GFRA3: variants seen among roughly 807,000 people sequenced by gnomAD.
GFRA3 encodes GDNF family receptor alpha-3.
In GFRA3, 24 loss-of-function variants were observed where a neutral mutation model predicts 40.0. The ratio of observed to expected loss-of-function variants is 0.60; its 90% CI spans 0.43 to 0.84. The LOEUF (loss-of-function observed/expected upper bound fraction) is 0.84, where lower values mean the gene tolerates loss of function less well. GFRA3 is among the 40% of genes least tolerant of loss of function. The probability of loss-of-function intolerance (pLI) is 0.00; values close to 1 mark genes in which losing one functional copy is unlikely to be tolerated. For synonymous variants in GFRA3, 203 were observed against 213.5 expected, an observed-to-expected ratio of 0.95 and a Z score of 0.43; for missense variants, 405 against 530.6, an observed-to-expected ratio of 0.76 and a Z score of 2.33.
At chr5:138,261,419 G>A (rs1427023206) in intron 2 of GFRA3, among the ~76,000 whole-genome samples, 1 of 152,164 alleles carries the variant, frequency 6.6e-6, no homozygotes, top group Non-Finnish European at 1.5e-5. Context: ...AACTGTGCTG[G>A]GCGCAGTGGC....
Position 138,257,957 on chromosome 5 carries a change from G to T in GFRA3, c.473-6C>A, listed in dbSNP as rs749653460. 1 of 1,613,510 alleles carries T rather than the reference G, an allele frequency of 6.2e-7. No individual in the cohort carries two copies. ...CTTGAGGCAGAGGTCTGAGTCTGGG[G>T]GGAAAGGGCACGGAGTCAGTCGGCT... is the stretch of plus-strand genomic sequence containing the variant. On this transcript the variant is annotated splice_polypyrimidine_tract_variant and splice_region_variant and intron_variant, in intron 3 of 7. Transcript: ENST00000274721.
intron 4 of GFRA3, among the ~76,000 whole-genome samples, chr5:138,255,899 C>CAA (rs35650002): frequency 2.8e-4 from 30 of 107,748 alleles, no homozygotes; most frequent in African/African-American, 1.1e-3. Flanking sequence ...GACTCTGTCT[C>CAA]AAAAAAAAAA....
Position 138,257,770 on chromosome 5 carries a change from G to GC in GFRA3, c.653dup (p.Cys218TrpfsTer112). 6.2e-7 allele frequency: 1 copy of GC among 1,611,486 alleles called. No homozygotes were observed. Among genetic ancestry groups the GC allele is most frequent in the Non-Finnish European group, 8.5e-7 (1 of 1,178,588 alleles). On this transcript the variant is annotated frameshift_variant, in exon 4 of 8. Coordinates refer to ENST00000274721, the MANE Select transcript of GFRA3 (RefSeq NM_001496.4). LOFTEE classifies it high-confidence loss of function. ...AGCCCCGGTCGTTGGGGGCACATGG[G>GC]CACAGTAGCAGGCCCTGCGCGTGGG...
intron 4 of GFRA3, among the ~76,000 whole-genome samples, chr5:138,254,947 A>T (rs1755605140): frequency 6.6e-6 from 1 of 151,980 alleles, no homozygotes; most frequent in Non-Finnish European, 1.5e-5. Context: ...GAAAGAAAAA[A>T]AAAGAAAGAG....
chr5:138,269,260 G>A (rs1327325750), intron 1 of GFRA3, among the ~76,000 whole-genome samples: 1 of 152,116 alleles, frequency 6.6e-6, no homozygotes, highest in East Asian at 1.9e-4. Context: ...AAGTAGTCTG[G>A]GCGTGGTGGC....
chr5:138,270,091 G>A (rs1755845759), intron 1 of GFRA3, among the ~76,000 whole-genome samples: 1 of 151,754 alleles, frequency 6.6e-6, no homozygotes, highest in Non-Finnish European at 1.5e-5. Flanking sequence ...GCCAGGCATG[G>A]TGGCTCACGC....
chr5:138,259,616 T>C lies in GFRA3; in HGVS notation c.413A>G (p.Asp138Gly). 1 of 1,544,470 alleles carries C rather than the reference T, an allele frequency of 6.5e-7. No homozygotes were observed. Among genetic ancestry groups the C allele is most frequent in the Non-Finnish European group, 9.0e-7 (1 of 1,116,532 alleles). The change falls in exon 3 of 8, where the codon GAC becomes GGC. Residue 138 changes from aspartate to glycine, a missense_variant. By Grantham distance (94) the Asp-to-Gly change is moderately conservative (BLOSUM62 -1). Transcript: ENST00000274721. Reference sequence around the variant, plus strand: ...TTTCCAGGGTTTGCTGGTCACTGTGTCTTCATAGGGGGAGACATCCAGCTC... The same window carrying C: ...TTTCCAGGGTTTGCTGGTCACTGTGCCTTCATAGGGGGAGACATCCAGCTC... Reference protein sequence around the residue: ...NYELDVSPYEDTVTSKPWKMN... With the variant: ...NYELDVSPYEGTVTSKPWKMN...
At chr5:138,271,716 CT>C (rs1360270858) in intron 1 of GFRA3, among the ~76,000 whole-genome samples, 1 of 143,704 alleles carries the variant, frequency 7.0e-6, no homozygotes, top group African/African-American at 2.8e-5. Context: ...GTAGCTGGGA[CT>C]GCATGCATGC....
rs748018855 is a variant in GFRA3, at chr5:138,253,870, T to A, written c.920A>T (p.Asn307Ile). ...GTAMTPNFVS[N>I]VNTSVALSCT... ...GCTTAAGGCAACACTGGTGTTGACA[T>A]TGCTGACAAAGTTGGGGGTCATGGC... The change falls in exon 6 of 8, where the codon AAT (asparagine) becomes ATT (isoleucine). Residue 307 changes from asparagine (N) to isoleucine (I), a missense_variant. Transcript: ENST00000274721. The A allele has an allele frequency of 6.2e-7, 1 of 1,614,090 alleles. No individual in the cohort carries two copies. The highest frequency in any genetic ancestry group is 8.5e-7 in the Non-Finnish European group (1 of 1,179,962).
chr5:138,272,471 C>T (rs1392731556), intron 1 of GFRA3, among the ~76,000 whole-genome samples: 2 of 148,258 alleles, frequency 1.3e-5, no homozygotes, highest in East Asian at 2.0e-4. Flanking sequence ...GGCAAAAACC[C>T]GTCTCTACAA....
In GFRA3 at chr5:138,253,075, T is replaced by C. The variant is rs1755572242; in HGVS notation, c.1114-18A>G. 7.1e-7 allele frequency: 1 copy of C among 1,400,450 alleles called. No homozygotes were observed. Among genetic ancestry groups the C allele is most frequent in the Non-Finnish European group, 1.0e-6 (1 of 987,250 alleles). The allele number at this position is 1,400,450 out of a possible 1,614,324, so 86.8% of individuals were successfully genotyped here. A position where few individuals can be genotyped will look rare whatever the true frequency, so the allele number is the denominator to read the frequency against. On this transcript the variant is annotated intron_variant, in intron 7 of 7. Transcript: ENST00000274721. ...TTTTCATTCTGTGGAAGAAATGGAA[T>C]GGAGTTAGCTCAGGGGATTTTCTTT...
At chr5:138,265,025 G>A (rs1311348650) in intron 1 of GFRA3, among the ~76,000 whole-genome samples, 1 of 151,966 alleles carries the variant, frequency 6.6e-6, no homozygotes, top group Non-Finnish European at 1.5e-5. Context: ...CTGGGGTTGG[G>A]GTAGAGAGCT....
chr5:138,259,330 G>T (rs1483427576), intron 3 of GFRA3, among the ~76,000 whole-genome samples: 1 of 152,202 alleles, frequency 6.6e-6, no homozygotes. Context: ...GAGCCCTAAT[G>T]GGCTCTCTTC....
intron 1 of GFRA3, 36 bp from the exon 2 acceptor site, chr5:138,264,584 T>G (rs372096092): frequency 7.1e-7 from 1 of 1,406,974 alleles, no homozygotes; most frequent in Non-Finnish European, 9.8e-7. Context: ...CTACGTAAGA[T>G]TAGAATAGCT....
intron 1 of GFRA3, among the ~76,000 whole-genome samples, chr5:138,266,671 TCTTTC>T (rs1383494000): frequency 7.0e-6 from 1 of 143,604 alleles, no homozygotes; most frequent in Non-Finnish European, 1.6e-5. Context: ...TCTTTTTCTT[TCTTTC>T]TTTTCTTTTC....
At chr5:138,260,693 C>T (rs1298124967) in intron 2 of GFRA3, among the ~76,000 whole-genome samples, 1 of 151,860 alleles carries the variant, frequency 6.6e-6, no homozygotes, top group African/African-American at 2.4e-5. Flanking sequence ...CACTTGAACC[C>T]GGGAGGCGGA....
intron 4 of GFRA3, among the ~76,000 whole-genome samples, chr5:138,256,247 C>T (rs1303188675): frequency 2.6e-5 from 3 of 114,592 alleles, no homozygotes; most frequent in Admixed American, 9.6e-5. Flanking sequence ...AAAAAAAAAT[C>T]GCTGGGCACG....
chr5:138,257,649 G>T lies in GFRA3; in HGVS notation c.775C>A (p.Pro259Thr). ...LELRRLCFSD[P>T]LCRSRLVDFQ... ...TCCCAAACTACACACCTGCAAAGCGGGTCGGAGAAGCAGAGGCGCCGCAGC... is the reference window on the plus strand; with the variant it reads ...TCCCAAACTACACACCTGCAAAGCGTGTCGGAGAAGCAGAGGCGCCGCAGC... Residue 259 changes from proline (P) to threonine (T), a missense_variant, in exon 4 of 8, where the codon CCG becomes ACG. Physicochemically the swap from Pro to Thr is conservative, Grantham distance 38. Transcript: ENST00000274721. 6.2e-7 allele frequency: 1 copy of T among 1,609,274 alleles called. No individual in the cohort carries two copies. The highest frequency in any genetic ancestry group is 8.5e-7 in the Non-Finnish European group (1 of 1,178,920).
chr5:138,264,214 A>AAG (rs1755748987), intron 2 of GFRA3, 47 bp downstream of exon 2: 1 of 1,454,480 alleles, frequency 6.9e-7, no homozygotes, highest in African/African-American at 1.4e-5. Context: ...AACAACCCCC[A>AAG]AGAGCCATCT....
Sources: gnomAD v4.1 joint callset for allele counts (sites outside exome capture counted in the v4.1 genomes callset) on GRCh38, gnomAD v4.1.1 for gene constraint, MANE v1.5 for transcripts, NCBI Gene and HGNC (gene_info 2026-07-23, HGNC 2026-07-21) for gene names.